The following CRACDL variants were observed in gnomAD, a reference collection of about 807,000 sequenced individuals.
CRACDL encodes the protein CRACD-like protein.
Under a neutral mutation model 70.6 loss-of-function variants are expected in CRACDL, and 26 were observed. The ratio of observed to expected loss-of-function variants is 0.37; its 90% confidence interval spans 0.27 to 0.51. CRACDL has a LOEUF of 0.51. Ranked by LOEUF, CRACDL falls within the 20% of genes least tolerant of loss-of-function variation. The pLI, the probability that CRACDL is intolerant of heterozygous loss-of-function variation, is 0.94. For synonymous variants in CRACDL, 618 were observed against 615.2 expected, an observed-to-expected ratio of 1.00 and a Z score of -0.07; for missense variants, 1,283 against 1,376.9, an observed-to-expected ratio of 0.93 and a Z score of 1.08.
chr2:98,797,327 A>G (rs746751179), intron 8 of CRACDL, 23 bp downstream of exon 8: 2 of 1,612,056 alleles, frequency 1.2e-6, no homozygotes, highest in Non-Finnish European at 8.5e-7. Flanking sequence ...CACCCACAGA[A>G]CAGAAGTATT....
At chr2:98,809,235 G>A (rs1368406927) in intron 7 of CRACDL, among the ~76,000 whole-genome samples, 2 of 152,066 alleles carry the variant, frequency 1.3e-5, no homozygotes, top group Non-Finnish European at 2.9e-5. Context: ...GAGATCAGCA[G>A]GACTCTTTGG....
At chr2:98,814,832 T>G (rs1012518337) in intron 7 of CRACDL, among the ~76,000 whole-genome samples, 3 of 152,236 alleles carry the variant, frequency 2.0e-5, no homozygotes, top group Non-Finnish European at 4.4e-5. Flanking sequence ...TACCAAGTTT[T>G]TGCTTCATGT....
intron 1 of CRACDL, among the ~76,000 whole-genome samples, chr2:98,859,116 G>A (rs533847319): frequency 2.6e-5 from 4 of 152,224 alleles, no homozygotes; most frequent in African/African-American, 7.2e-5. Context: ...AAGAACAGGT[G>A]ACACTTTCCA....
At chr2:98,831,032 A>T (rs1705518681) in intron 5 of CRACDL, among the ~76,000 whole-genome samples, 1 of 152,146 alleles carries the variant, frequency 6.6e-6, no homozygotes. Flanking sequence ...AACTGCACAC[A>T]GGAGTATTTG....
intron 1 of CRACDL, among the ~76,000 whole-genome samples, chr2:98,900,494 T>A (rs952811702): frequency 6.6e-6 from 1 of 151,846 alleles, no homozygotes; most frequent in Non-Finnish European, 1.5e-5. Context: ...CAACCACACC[T>A]CCAATACCCT....
intron 1 of CRACDL, among the ~76,000 whole-genome samples, chr2:98,881,517 G>A (rs12712039): frequency 0.43 from 65,985 of 152,064 alleles, 15,080 homozygotes; most frequent in African/African-American, 0.57. Context: ...TGGCAGTGGG[G>A]CAAGGGTGTG....
rs1173870928 is a variant in CRACDL at position 98,822,006 on chromosome 2, AGCG to A, written c.2264_2266del (p.Pro755del). 6.5e-7 allele frequency: 1 copy of A among 1,537,400 alleles called. No homozygotes were observed. Among genetic ancestry groups the A allele is most frequent in the Non-Finnish European group, 8.8e-7 (1 of 1,141,760 alleles). On this transcript the variant is annotated inframe_deletion, in exon 7 of 10. Transcript: ENST00000397899. The surrounding 1 kb of genome is among the most constrained non-coding windows in gnomAD (Gnocchi z 4.9). ...CCGGGGCAGGGGCGGCTTGGAGCTG[AGCG>A]GCTCGGGGGGCCGGGCCTTCCCCTT...
chr2:98,833,829 T>A (rs1705652630), intron 3 of CRACDL, among the ~76,000 whole-genome samples: 1 of 152,216 alleles, frequency 6.6e-6, no homozygotes. Flanking sequence ...GGACATCTTG[T>A]GTGCACCACC....
intron 1 of CRACDL, among the ~76,000 whole-genome samples, chr2:98,931,963 G>C (rs1043650508): frequency 9.2e-5 from 14 of 152,168 alleles, no homozygotes; most frequent in African/African-American, 3.4e-4. Flanking sequence ...ATATCTTCAA[G>C]GTAATTTGTC....
At chr2:98,900,877 A>G (rs992688311) in intron 1 of CRACDL, among the ~76,000 whole-genome samples, 1 of 152,134 alleles carries the variant, frequency 6.6e-6, no homozygotes, top group South Asian at 2.1e-4. Context: ...CAGAGACTCC[A>G]GTGTGGCTGC....
At chr2:98,830,625 A>G (rs936777338) in intron 5 of CRACDL, among the ~76,000 whole-genome samples, 2 of 152,174 alleles carry the variant, frequency 1.3e-5, no homozygotes, top group Non-Finnish European at 2.9e-5. Context: ...TTGGTTTCCT[A>G]TGAAGCTGGT....
chr2:98,823,672 C>A lies in CRACDL; in HGVS notation c.736-135G>T. On this transcript the variant is annotated intron_variant, in intron 6 of 9. Coordinates refer to ENST00000397899, the MANE Select transcript of CRACDL (RefSeq NM_207362.3). This position sits in a 1 kb window ranked among gnomAD's most constrained non-coding sequence, Gnocchi z 4.0. ...AAGCTGGCACTTAAGTAGGCATGTA[C>A]CCACGGGTGTCTTTTCTCAGTCTGT... 1 of 1,077,676 alleles carries A rather than the reference C, an allele frequency of 9.3e-7. No homozygotes were observed. 66.8% of individuals were successfully genotyped at this position (1,077,676 alleles called of 1,614,324 possible).
intron 1 of CRACDL, among the ~76,000 whole-genome samples, chr2:98,918,761 C>T (rs1398470658): frequency 6.6e-6 from 1 of 151,976 alleles, no homozygotes; most frequent in Non-Finnish European, 1.5e-5. Context: ...TATTCATGTC[C>T]TTTGCCCATG....
At position 98,850,020 on chromosome 2, in the gene CRACDL, C is replaced by T. The variant is rs114985802; in HGVS notation, c.-10-3210G>A. 3.9e-3 allele frequency among the ~76,000 whole-genome samples: 590 copies of T among 152,330 alleles called. 5 individuals carry two copies. The highest frequency in any genetic ancestry group is 0.014 in the African/African-American group (572 of 41,572). ...CTGTCGGTTTCTGCAGCCCACTCCT[C>T]ACCACCACGTGATACTGTTTATGGA... On this transcript the variant is annotated intron_variant, in intron 1 of 9. Coordinates refer to ENST00000397899, the MANE Select transcript of CRACDL (RefSeq NM_207362.3).
At position 98,854,476 on chromosome 2, in the gene CRACDL, A is replaced by C. The variant is rs1435241157; in HGVS notation, c.-10-7666T>G. On this transcript the variant is annotated intron_variant, in intron 1 of 9. Coordinates refer to ENST00000397899, the MANE Select transcript of CRACDL (RefSeq NM_207362.3). ...ATAAAAGAAAAAATTTATAGTTTGC[A>C]CTTCATCAAAATGAAATACTTCTGC... Among the ~76,000 whole-genome samples the C allele has an allele frequency of 2.0e-5, 3 of 152,132 alleles. No individual in the cohort carries two copies. The East Asian group carries it at 5.8e-4, about 29-fold the overall frequency.
At chr2:98,917,059 T>C (rs547043841) in intron 1 of CRACDL, among the ~76,000 whole-genome samples, 1 of 152,360 alleles carries the variant, frequency 6.6e-6, no homozygotes, top group African/African-American at 2.4e-5. Context: ...CCCCTGCCTC[T>C]TCCCCATGGG....
intron 1 of CRACDL, among the ~76,000 whole-genome samples, chr2:98,859,920 T>C (rs1339288087): frequency 2.0e-5 from 3 of 152,332 alleles, no homozygotes; most frequent in Non-Finnish European, 4.4e-5. Context: ...GAGGGATCCA[T>C]TAAAACACTA....
At position 98,797,489 on chromosome 2, in the gene CRACDL, G is replaced by T. The variant is rs764269645; in HGVS notation, c.2465C>A (p.Pro822His). 4 of 1,614,074 alleles carry T rather than the reference G, an allele frequency of 2.5e-6. No homozygotes were observed. In the African/African-American group the frequency reaches 5.3e-5, roughly 22 times the overall value. ...AATGPGADGQPAPPWITVTRQ... is the reference protein window; with the variant it reads ...AATGPGADGQHAPPWITVTRQ... ...AGTGACGGTGATCCAGGGTGGCGCAGGCTGCCCATCAGCTCCAGGCCCTGT... is the reference window on the plus strand; with the variant it reads ...AGTGACGGTGATCCAGGGTGGCGCATGCTGCCCATCAGCTCCAGGCCCTGT... The change falls in exon 8 of 10, where the codon CCT becomes CAT. Residue 822 changes from proline (P) to histidine (H), a missense_variant. By Grantham distance (77) the Pro-to-His change is moderately conservative. This residue lies in a region of CRACDL where 921 missense variants were observed against 881.9 expected (regional missense o/e 1.04). Coordinates refer to ENST00000397899, the MANE Select transcript of CRACDL (RefSeq NM_207362.3).
chr2:98,842,365 C>T (rs6711639), intron 2 of CRACDL, among the ~76,000 whole-genome samples: 18,885 of 151,318 alleles, frequency 0.12, 1,416 homozygotes, highest in South Asian at 0.21. Flanking sequence ...TTTAAATGAA[C>T]TTATTTAAAA....
Sources: gnomAD v4.1 joint callset for allele counts (sites outside exome capture counted in the v4.1 genomes callset) on GRCh38, gnomAD v4.1.1 for gene constraint, gnomAD v4.1.1 regional missense constraint, Gnocchi (gnomAD v3.1) non-coding constraint, MANE v1.5 for transcripts, NCBI Gene and HGNC (gene_info 2026-07-23, HGNC 2026-07-21) for gene names.